KCNK2: variants seen among roughly 807,000 people sequenced by gnomAD.
KCNK2 encodes potassium channel subfamily K member 2.
Under a neutral mutation model 40.5 loss-of-function variants are expected in KCNK2, and 21 were observed. That is an observed-to-expected ratio of 0.52 (90% CI 0.37 to 0.75). The LOEUF (loss-of-function observed/expected upper bound fraction) is 0.75. KCNK2 is among the 30% of genes least tolerant of loss of function. KCNK2 has a pLI of 0.00. For missense variants in KCNK2, 399 were observed against 531.6 expected (o/e 0.75, Z 2.45); for synonymous variants, 191 against 202.2 (o/e 0.94, Z 0.47).
chr1:215,082,230 G>T, upstream of KCNK2: 1 of 152,414 alleles, frequency 6.6e-6, no homozygotes. Context: ...GAAGTGGGGC[G>T]AGCTGGTGAC....
At chr1:215,210,088 T>G (rs1052362292) in intron 6 of KCNK2, among the ~76,000 whole-genome samples, 8 of 70,162 alleles carry the variant, frequency 1.1e-4, no homozygotes, top group Admixed American at 3.9e-4. Context: ...AGATATGCTA[T>G]ATATAAATAT....
At chr1:215,097,961 G>A (rs956671999) in intron 2 of KCNK2, among the ~76,000 whole-genome samples, 1 of 151,932 alleles carries the variant, frequency 6.6e-6, no homozygotes, top group African/African-American at 2.4e-5. Flanking sequence ...TATCCGCATA[G>A]GTTAGGTAAT....
chr1:215,227,990 A>G (rs1299788148), intron 6 of KCNK2, among the ~76,000 whole-genome samples: 1 of 151,974 alleles, frequency 6.6e-6, no homozygotes, highest in East Asian at 1.9e-4. Context: ...AAATGATTTC[A>G]CTTAGGGACA....
At chr1:215,182,251 G>T (rs1664250043) in intron 5 of KCNK2, among the ~76,000 whole-genome samples, 4 of 152,088 alleles carry the variant, frequency 2.6e-5, no homozygotes, top group Admixed American at 2.6e-4. Context: ...CTATGCGCAG[G>T]AAGGGCAGAG....
upstream of KCNK2, among the ~76,000 whole-genome samples, chr1:215,080,954 A>G (rs912719247): frequency 1.3e-5 from 2 of 152,214 alleles, no homozygotes; most frequent in Non-Finnish European, 2.9e-5. Flanking sequence ...GCTCTAGGTA[A>G]TGCTGGTGGG....
intron 5 of KCNK2, among the ~76,000 whole-genome samples, chr1:215,175,449 AT>A (rs34269537): frequency 1.0e-4 from 15 of 147,558 alleles, no homozygotes; most frequent in East Asian, 5.9e-4. Context: ...TCTGCCTCTG[AT>A]TTTTTTTTTG....
chr1:215,217,664 C>T (rs1666014549), intron 6 of KCNK2, among the ~76,000 whole-genome samples: 1 of 152,086 alleles, frequency 6.6e-6, no homozygotes, highest in African/African-American at 2.4e-5. Flanking sequence ...AGAAATCTGT[C>T]ACTTCTTGGA....
In KCNK2 at chr1:215,203,244, G is replaced by C. The variant is rs575854539; in HGVS notation, c.963+8152G>C. Among the ~76,000 whole-genome samples the C allele has an allele frequency of 2.6e-5, 4 of 152,272 alleles. No individual in the cohort carries two copies. In the South Asian group the frequency reaches 8.3e-4, roughly 32 times the overall value. ...AAAAGAAATGATTTGTATGATTTCCGAAAAGTGAGTGGGTTTTGAGGCCAA... is the reference window on the plus strand; with the variant it reads ...AAAAGAAATGATTTGTATGATTTCCCAAAAGTGAGTGGGTTTTGAGGCCAA... On this transcript the variant is annotated intron_variant, in intron 6 of 6. Coordinates refer to ENST00000444842, the MANE Select transcript of KCNK2 (RefSeq NM_001017425.3).
At chr1:215,194,158 G>T (rs928236224) in intron 5 of KCNK2, among the ~76,000 whole-genome samples, 14 of 152,028 alleles carry the variant, frequency 9.2e-5, no homozygotes, top group African/African-American at 2.9e-4. Context: ...CTTAATAAAT[G>T]CCCCCATATT....
chr1:215,115,606 T>A (rs1367593578), intron 2 of KCNK2, among the ~76,000 whole-genome samples: 1 of 152,130 alleles, frequency 6.6e-6, no homozygotes, highest in Non-Finnish European at 1.5e-5. Context: ...TAGATAAATA[T>A]CTTACTGTCC....
intron 6 of KCNK2, among the ~76,000 whole-genome samples, chr1:215,198,301 C>T (rs922535615): frequency 6.6e-6 from 1 of 151,994 alleles, no homozygotes; most frequent in African/African-American, 2.4e-5. Flanking sequence ...CTGCTCTGGA[C>T]AGGGGAGCCA....
chr1:215,070,904 G>C (rs1400980907), intron 1 of KCNK2, among the ~76,000 whole-genome samples: 1 of 152,168 alleles, frequency 6.6e-6, no homozygotes, highest in East Asian at 1.9e-4. Flanking sequence ...AAGAGGGAAA[G>C]TTTCACAGAG....
chr1:215,165,404 T>C (rs2363567), intron 3 of KCNK2, among the ~76,000 whole-genome samples: 116,971 of 152,108 alleles, frequency 0.77, 45,273 homozygotes, highest in Non-Finnish European at 0.79. Context: ...GAATGGCATC[T>C]ATAATTTGAC....
At chr1:215,221,887 G>C (rs928824750) in intron 6 of KCNK2, among the ~76,000 whole-genome samples, 1 of 152,160 alleles carries the variant, frequency 6.6e-6, no homozygotes, top group South Asian at 2.1e-4. Context: ...AGAAATACCT[G>C]AGACTGGGTA....
At chr1:215,226,411 C>T (rs2102706178) in intron 6 of KCNK2, among the ~76,000 whole-genome samples, 1 of 152,218 alleles carries the variant, frequency 6.6e-6, no homozygotes, top group South Asian at 2.1e-4. Context: ...CTGTAACCTC[C>T]GCCTCCCGGG....
chr1:215,155,641 T>C (rs549572798), intron 3 of KCNK2, among the ~76,000 whole-genome samples: 1 of 152,128 alleles, frequency 6.6e-6, no homozygotes, highest in African/African-American at 2.4e-5. Flanking sequence ...TGCCTCAGCC[T>C]CTCAGGTAGC....
chr1:215,042,033 T>A lies in KCNK2; in HGVS notation c.34+36078T>A, dbSNP rs1248680650. ...AACTCTCCCTTATAAAACTATCAGA[T>A]CTCATGAGACTTATTAACTGTCACA... On this transcript the variant is annotated intron_variant, in intron 1 of 6. Coordinates refer to the KCNK2 transcript ENST00000391895. Among the ~76,000 whole-genome samples, 4 of 152,204 alleles carry A rather than the reference T, an allele frequency of 2.6e-5. No individual in the cohort carries two copies. The East Asian group carries it at 7.7e-4, about 29-fold the overall frequency.
At chr1:215,157,155 T>G (rs980495346) in intron 3 of KCNK2, among the ~76,000 whole-genome samples, 2 of 152,156 alleles carry the variant, frequency 1.3e-5, no homozygotes, top group South Asian at 4.1e-4. Flanking sequence ...AGCAAAACCA[T>G]ATCATCTATT....
intron 6 of KCNK2, among the ~76,000 whole-genome samples, chr1:215,204,719 C>G (rs1013736773): frequency 6.6e-6 from 1 of 152,078 alleles, no homozygotes; most frequent in African/African-American, 2.4e-5. Context: ...AATGTGTTTT[C>G]AAACATAGAT....
Sources: gnomAD v4.1 joint callset for allele counts (sites outside exome capture counted in the v4.1 genomes callset) on GRCh38, gnomAD v4.1.1 for gene constraint, MANE v1.5 for transcripts, NCBI Gene and HGNC (gene_info 2026-07-23, HGNC 2026-07-21) for gene names.